The following MAGI2 variants were observed in gnomAD, a reference collection of about 807,000 sequenced individuals.
The protein encoded by MAGI2 is membrane-associated guanylate kinase, WW and PDZ domain-containing protein 2.
MAGI2 carries 35 observed loss-of-function variants against 133.3 expected under a neutral mutation model. The observed-to-expected ratio is 0.26, with a 90% CI of 0.20 to 0.35. The LOEUF is 0.35. Ranked by LOEUF, MAGI2 falls within the 10% of genes least tolerant of loss-of-function variation. The probability of loss-of-function intolerance (pLI) is 1.00; values close to 1 mark genes in which losing one functional copy is unlikely to be tolerated. For synonymous variants in MAGI2, 729 were observed against 710.6 expected (o/e 1.03, Z -0.41); for missense variants, 1,636 against 1,863.4 (o/e 0.88, Z 2.25).
At chr7:79,274,741 T>C (rs1835114484) in intron 1 of MAGI2, among the ~76,000 whole-genome samples, 1 of 152,174 alleles carries the variant, frequency 6.6e-6, no homozygotes, top group African/African-American at 2.4e-5. Context: ...GTCAACACGA[T>C]GCCAGGCAAG....
At chr7:79,362,887 C>T (rs1296766169) in intron 1 of MAGI2, among the ~76,000 whole-genome samples, 2 of 151,804 alleles carry the variant, frequency 1.3e-5, no homozygotes, top group African/African-American at 4.8e-5. Context: ...TGATAATGGA[C>T]ACAAGTCAAA....
At chr7:79,380,910 A>G (rs1843729744) in intron 1 of MAGI2, among the ~76,000 whole-genome samples, 2 of 151,774 alleles carry the variant, frequency 1.3e-5, no homozygotes, top group Admixed American at 1.3e-4. Flanking sequence ...AAAGTAATTA[A>G]TTTTTATACA....
chr7:79,190,897 T>C (rs1827600694), intron 1 of MAGI2, among the ~76,000 whole-genome samples: 1 of 151,852 alleles, frequency 6.6e-6, no homozygotes, highest in African/African-American at 2.4e-5. Flanking sequence ...TCTTTAATAG[T>C]TATTAGGTAA....
intron 1 of MAGI2, among the ~76,000 whole-genome samples, chr7:79,056,287 C>A (rs922138245): frequency 6.6e-6 from 1 of 152,090 alleles, no homozygotes; most frequent in Non-Finnish European, 1.5e-5. Context: ...ACTCAGAAGG[C>A]TGCAGGAGTT....
intron 2 of MAGI2, among the ~76,000 whole-genome samples, chr7:78,710,841 T>C (rs555171874): frequency 1.6e-3 from 250 of 152,272 alleles, no homozygotes; most frequent in African/African-American, 5.8e-3. Context: ...AAATTGATGA[T>C]TATTACCAAA....
intron 3 of MAGI2, among the ~76,000 whole-genome samples, chr7:78,539,946 T>C (rs190464867): frequency 6.6e-6 from 1 of 152,372 alleles, no homozygotes; most frequent in African/African-American, 2.4e-5. Flanking sequence ...TGGAATTAGC[T>C]GCTGTTTTCT....
chr7:79,338,791 G>A (rs1332808679), intron 1 of MAGI2, among the ~76,000 whole-genome samples: 5 of 152,112 alleles, frequency 3.3e-5, no homozygotes, highest in Non-Finnish European at 7.4e-5. Flanking sequence ...CAATGTCAGT[G>A]ATGGGAGAGC....
intron 3 of MAGI2, among the ~76,000 whole-genome samples, chr7:78,568,658 C>T (rs927136344): frequency 2.6e-5 from 4 of 152,192 alleles, no homozygotes; most frequent in Admixed American, 6.5e-5. Context: ...ACTGCTTCCT[C>T]GCCAGTCTCT....
At chr7:78,909,602 C>CAAAAAAAAAAAAAAAAAAAAA (rs1237807866) in intron 2 of MAGI2, among the ~76,000 whole-genome samples, 1 of 42,160 alleles carries the variant, frequency 2.4e-5, no homozygotes, top group Non-Finnish European at 4.2e-5. Context: ...GACTCCATCT[C>CAAAAAAAAAAAAAAAAAAAAA]AAAAAAAAAA....
At chr7:78,061,183 C>CTT (rs34252731) in intron 21 of MAGI2, among the ~76,000 whole-genome samples, 64 of 139,036 alleles carry the variant, frequency 4.6e-4, no homozygotes, top group African/African-American at 6.7e-4. Flanking sequence ...AAAAGGTTTT[C>CTT]TTTTTTTTTT....
intron 2 of MAGI2, among the ~76,000 whole-genome samples, chr7:78,716,602 C>T (rs1374030999): frequency 2.6e-5 from 4 of 152,166 alleles, no homozygotes; most frequent in Non-Finnish European, 5.9e-5. Flanking sequence ...CAAAATCTTT[C>T]TCATAATTCA....
chr7:78,447,678 C>A (rs115319333), intron 6 of MAGI2, among the ~76,000 whole-genome samples: 3,574 of 152,188 alleles, frequency 0.023, 131 homozygotes, highest in African/African-American at 0.08. Context: ...AAATCATCTG[C>A]AAAGACTAGG....
chr7:78,551,832 A>G (rs1232822772), intron 3 of MAGI2, among the ~76,000 whole-genome samples: 1 of 152,030 alleles, frequency 6.6e-6, no homozygotes. Flanking sequence ...GCAGCCTTGA[A>G]TTGCTGGGCT....
intron 1 of MAGI2, among the ~76,000 whole-genome samples, chr7:79,429,468 A>C (rs974530389): frequency 1.3e-5 from 2 of 152,022 alleles, no homozygotes; most frequent in African/African-American, 4.8e-5. Flanking sequence ...AAGCCCAGCT[A>C]ATTTTTTTGT....
At chr7:78,277,807 G>C (rs1795194593) in intron 9 of MAGI2, among the ~76,000 whole-genome samples, 1 of 152,130 alleles carries the variant, frequency 6.6e-6, no homozygotes, top group Admixed American at 6.6e-5. Context: ...ATTGGAGAGA[G>C]AACAAGTAGT....
intron 2 of MAGI2, among the ~76,000 whole-genome samples, chr7:78,859,352 TG>T (rs1265660471): frequency 6.6e-6 from 1 of 152,160 alleles, no homozygotes; most frequent in Non-Finnish European, 1.5e-5. Context: ...CTTTACAATT[TG>T]GCATGTTGTT....
intron 1 of MAGI2, among the ~76,000 whole-genome samples, chr7:79,406,552 C>A (rs942418699): frequency 1.3e-5 from 2 of 152,060 alleles, no homozygotes; most frequent in African/African-American, 4.8e-5. Context: ...GGTTGGGAGG[C>A]TGAACCAGGA....
At position 78,863,745 on chromosome 7, in the gene MAGI2, G is replaced by A. The variant is rs117302431; in HGVS notation, c.418+143345C>T. Among the ~76,000 whole-genome samples, 1,414 of 152,310 alleles carry A rather than the reference G, an allele frequency of 9.3e-3. 9 individuals are homozygous for A. Among genetic ancestry groups the A allele is most frequent in the Middle Eastern group, 0.017 (5 of 294 alleles). On this transcript the variant is annotated intron_variant, in intron 2 of 21. Coordinates refer to ENST00000354212, the MANE Select transcript of MAGI2 (RefSeq NM_012301.4). ...TCAGTCATTCTTTGAGCTGATAAAG[G>A]CCAGAGAGTCCTTTTGTGTAAAGCA...
At chr7:78,685,804 G>A (rs1816234744) in intron 2 of MAGI2, among the ~76,000 whole-genome samples, 1 of 151,860 alleles carries the variant, frequency 6.6e-6, no homozygotes, top group Non-Finnish European at 1.5e-5. Flanking sequence ...CAAGCAGAAA[G>A]GTTCTGTGGG....
Sources: gnomAD v4.1 joint callset for allele counts (sites outside exome capture counted in the v4.1 genomes callset) on GRCh38, gnomAD v4.1.1 for gene constraint, MANE v1.5 for transcripts, NCBI Gene and HGNC (gene_info 2026-07-23, HGNC 2026-07-21) for gene names.